Variants in CD44 observed in about 807,000 individuals in gnomAD.
CD44 encodes the protein CD44 molecule (IN blood group).
A neutral mutation model predicts 88.8 loss-of-function variants in CD44; 49 were observed. The ratio of observed to expected loss-of-function variants is 0.55; its 90% CI spans 0.44 to 0.70. The LOEUF (loss-of-function observed/expected upper bound fraction) is 0.70, where lower values mean the gene tolerates loss of function less well. CD44 is among the 30% of genes least tolerant of loss of function. CD44 has a pLI of 0.00. For synonymous variants in CD44, 325 were observed against 312.3 expected (o/e 1.04, Z -0.43); for missense variants, 883 against 913.8 (o/e 0.97, Z 0.43).
intron 15 of CD44, chr11:35,219,044 C>T (rs1949075708): frequency 2.4e-6 from 1 of 415,602 alleles, no homozygotes; most frequent in Non-Finnish European, 4.5e-6. Context: ...GGTTGTCCAG[C>T]TCTAGACACC....
At chr11:35,219,538 T>A in intron 16 of CD44, 151 bp downstream of exon 16, 5 of 660,396 alleles carry the variant, frequency 7.6e-6, no homozygotes, top group South Asian at 5.1e-5. Flanking sequence ...AAAGGATGAA[T>A]GAGAATACTA....
intron 1 of CD44, among the ~76,000 whole-genome samples, chr11:35,146,281 G>C (rs1014790952): frequency 1.3e-5 from 2 of 152,164 alleles, no homozygotes; most frequent in African/African-American, 4.8e-5. Context: ...AAAAGTAAAG[G>C]TTAATTGCAA....
intron 14 of CD44, among the ~76,000 whole-genome samples, chr11:35,212,387 G>T (rs1377614117): frequency 3.3e-5 from 5 of 151,208 alleles, no homozygotes; most frequent in African/African-American, 1.2e-4. Context: ...ATTCATATGT[G>T]TGCATATATA....
intron 1 of CD44, among the ~76,000 whole-genome samples, chr11:35,144,737 T>C (rs1262339442): frequency 1.3e-5 from 2 of 152,224 alleles, no homozygotes; most frequent in African/African-American, 4.8e-5. Context: ...ACTCTACCAA[T>C]TGATGTCTAG....
intron 17 of CD44, among the ~76,000 whole-genome samples, chr11:35,223,997 A>G (rs1949512463): frequency 6.6e-6 from 1 of 152,220 alleles, no homozygotes; most frequent in Admixed American, 6.5e-5. Flanking sequence ...AAAAACAAAA[A>G]GAGTACCACC....
chr11:35,171,742 C>A (rs1222022781), intron 1 of CD44, among the ~76,000 whole-genome samples: 1 of 152,102 alleles, frequency 6.6e-6, no homozygotes, highest in Non-Finnish European at 1.5e-5. Flanking sequence ...CCCTAAAGAA[C>A]TGAGGGTCCT....
In CD44 at chr11:35,231,369, C is replaced by T. The variant is rs1950048076; in HGVS notation, c.*2036C>T. Reference sequence around the variant, plus strand: ...AGGTTCAAAATGGTTACAACAGCCTCTACCTGTCGCCCCAGGGAGAAAGGG... The same window carrying T: ...AGGTTCAAAATGGTTACAACAGCCTTTACCTGTCGCCCCAGGGAGAAAGGG... On this transcript the variant is annotated 3_prime_UTR_variant, in exon 18 of 18. Coordinates refer to ENST00000428726, the MANE Select transcript of CD44 (RefSeq NM_000610.4). The T allele has an allele frequency of 1.3e-5, 2 of 152,242 alleles. No homozygotes were observed. The highest frequency in any genetic ancestry group is 4.1e-4 in the South Asian group (2 of 4,828). 9.4% of individuals were successfully genotyped at this position (152,242 alleles called of 1,614,324 possible).
chr11:35,184,174 G>A (rs1487329422), intron 3 of CD44, among the ~76,000 whole-genome samples: 1 of 152,160 alleles, frequency 6.6e-6, no homozygotes, highest in East Asian at 1.9e-4. Context: ...ATGAGAGCAT[G>A]AGTCTGTTAA....
chr11:35,142,705 C>A lies in CD44; in HGVS notation c.67+3335C>A, dbSNP rs114660013. ...TCTACTTGCTGCAAAGGCATGGTGACAAGTCCTTGTGTGGGAGGCTGGCAG... is the reference window on the plus strand; with the variant it reads ...TCTACTTGCTGCAAAGGCATGGTGAAAAGTCCTTGTGTGGGAGGCTGGCAG... On this transcript the variant is annotated intron_variant, in intron 1 of 17. Transcript: ENST00000428726. Among the ~76,000 whole-genome samples the A allele has an allele frequency of 5.5e-3, 836 of 152,304 alleles. 4 individuals are homozygous for A. Among genetic ancestry groups the A allele is most frequent in the African/African-American group, 0.019 (796 of 41,554 alleles).
rs1281345108 is a variant in CD44, at chr11:35,196,700, C to A, written c.668-46C>A. On this transcript the variant is annotated intron_variant, in intron 5 of 17. Transcript: ENST00000428726. ...CATATTCAATGCTATTTCTTAGGAA[C>A]CGTTAATTAATCTTTCAACAATCAA... 3.1e-6 allele frequency: 5 copies of A among 1,593,170 alleles called. No homozygotes were observed. The East Asian group carries it at 6.7e-5, about 21-fold the overall frequency.
intron 1 of CD44, among the ~76,000 whole-genome samples, chr11:35,158,833 A>G (rs769768275): frequency 2.0e-5 from 3 of 152,200 alleles, no homozygotes; most frequent in Non-Finnish European, 2.9e-5. Flanking sequence ...AAGCAGGATT[A>G]TTGCTGTAGC....
At chr11:35,211,823 A>T (rs995303192) in intron 14 of CD44, among the ~76,000 whole-genome samples, 1 of 152,122 alleles carries the variant, frequency 6.6e-6, no homozygotes, top group Non-Finnish European at 1.5e-5. Flanking sequence ...AATTTTAGCA[A>T]TTCCGTTTAA....
intron 7 of CD44, 48 bp downstream of exon 7, chr11:35,198,294 TTAATCTGAG>T (rs1157611209): frequency 1.9e-6 from 3 of 1,571,662 alleles, no homozygotes; most frequent in Non-Finnish European, 2.6e-6. Flanking sequence ...GGCTTATTGA[TTAATCTGAG>T]TGATACCAAA....
chr11:35,175,407 A>T (rs531613818), intron 1 of CD44, among the ~76,000 whole-genome samples: 257 of 152,316 alleles, frequency 1.7e-3, no homozygotes, highest in African/African-American at 5.7e-3. Flanking sequence ...AGAACTGTAT[A>T]TTCAGTACCA....
chr11:35,167,936 A>G (rs774820299), intron 1 of CD44, among the ~76,000 whole-genome samples: 4 of 152,222 alleles, frequency 2.6e-5, no homozygotes, highest in Non-Finnish European at 5.9e-5. Context: ...CTAAATTCCC[A>G]AGAGTATGAT....
intron 1 of CD44, 173 bp downstream of exon 1, chr11:35,139,543 A>G: frequency 1.3e-6 from 1 of 772,988 alleles, no homozygotes; most frequent in Non-Finnish European, 2.4e-6. Context: ...CCGTTGGAGA[A>G]TGTGTCTGTG....
rs1475320396 is a variant in CD44, at chr11:35,174,195, A to G, written c.68-2380A>G. ...CTATAGGCTCTAGATAGAGGTACTCACTCACTTCCTTGGGCAACTCACTTC... is the reference window on the plus strand; with the variant it reads ...CTATAGGCTCTAGATAGAGGTACTCGCTCACTTCCTTGGGCAACTCACTTC... On this transcript the variant is annotated intron_variant, in intron 1 of 17. Coordinates refer to ENST00000428726, the MANE Select transcript of CD44 (RefSeq NM_000610.4). 3.3e-5 allele frequency among the ~76,000 whole-genome samples: 5 copies of G among 152,292 alleles called. No individual in the cohort carries two copies. The East Asian group carries it at 9.6e-4, about 29-fold the overall frequency.
At position 35,150,613 on chromosome 11, in the gene CD44, C is replaced by A. The variant is rs560102351; in HGVS notation, c.67+11243C>A. On this transcript the variant is annotated intron_variant, in intron 1 of 17. Coordinates refer to ENST00000428726, the MANE Select transcript of CD44 (RefSeq NM_000610.4). Reference sequence around the variant, plus strand: ...TCCTTTTGGTTGTGCTGACTTTATACCCATCTGGAATCCACTGACCATTAG... The same window carrying A: ...TCCTTTTGGTTGTGCTGACTTTATAACCATCTGGAATCCACTGACCATTAG... 2.0e-5 allele frequency among the ~76,000 whole-genome samples: 3 copies of A among 152,318 alleles called. No individual in the cohort carries two copies. The South Asian group carries it at 6.2e-4, about 32-fold the overall frequency.
intron 4 of CD44, among the ~76,000 whole-genome samples, chr11:35,189,389 G>T (rs750278212): frequency 2.0e-5 from 3 of 152,198 alleles, no homozygotes; most frequent in Non-Finnish European, 4.4e-5. Flanking sequence ...CTTTTCGGAG[G>T]AATATATGGA....
Sources: gnomAD v4.1 joint callset for allele counts (sites outside exome capture counted in the v4.1 genomes callset) on GRCh38, gnomAD v4.1.1 for gene constraint, MANE v1.5 for transcripts, NCBI Gene and HGNC (gene_info 2026-07-23, HGNC 2026-07-21) for gene names.